PTPRR: variants seen among roughly 807,000 people sequenced by gnomAD.
The protein encoded by PTPRR is protein tyrosine phosphatase receptor type R, also known as receptor-type tyrosine-protein phosphatase R.
A neutral mutation model predicts 77.2 loss-of-function variants in PTPRR; 38 were observed. The ratio of observed to expected loss-of-function variants is 0.49; its 90% CI spans 0.38 to 0.65. The LOEUF (loss-of-function observed/expected upper bound fraction) is 0.65. PTPRR is among the 30% of genes least tolerant of loss of function. The probability of loss-of-function intolerance (pLI) is 0.00; values close to 1 mark genes in which losing one functional copy is unlikely to be tolerated. For synonymous variants in PTPRR, 299 were observed against 283.1 expected (o/e 1.06, Z -0.57); for missense variants, 744 against 799.2 (o/e 0.93, Z 0.83).
intron 2 of PTPRR, among the ~76,000 whole-genome samples, chr12:70,867,643 A>T (rs1163376084): frequency 4.6e-5 from 7 of 152,026 alleles, no homozygotes; most frequent in African/African-American, 1.7e-4. Context: ...TGCCATCCCC[A>T]TCAAGCTACC....
chr12:70,917,896 T>C (rs1176227145), intron 1 of PTPRR, among the ~76,000 whole-genome samples: 6 of 152,210 alleles, frequency 3.9e-5, no homozygotes, highest in African/African-American at 1.2e-4. Flanking sequence ...ATAAAGCAGT[T>C]GCTGATACCC....
chr12:70,643,814 A>C (rs769091162), intron 13 of PTPRR, among the ~76,000 whole-genome samples: 4 of 151,484 alleles, frequency 2.6e-5, no homozygotes, highest in Non-Finnish European at 5.9e-5. Context: ...TCACTGTGTC[A>C]TCCTGGCTGG....
At chr12:70,652,895 G>A (rs1009863820) in intron 13 of PTPRR, among the ~76,000 whole-genome samples, 1 of 152,212 alleles carries the variant, frequency 6.6e-6, no homozygotes, top group Non-Finnish European at 1.5e-5. Context: ...AGTGGGCAGG[G>A]GAGGTGGGAG....
chr12:70,868,454 C>T (rs1334960688), intron 2 of PTPRR, among the ~76,000 whole-genome samples: 2 of 152,052 alleles, frequency 1.3e-5, no homozygotes, highest in African/African-American at 4.8e-5. Flanking sequence ...CATCACTGGC[C>T]ATCAGAGAAA....
At chr12:70,790,770 A>G (rs773599288) in intron 2 of PTPRR, among the ~76,000 whole-genome samples, 1 of 152,132 alleles carries the variant, frequency 6.6e-6, no homozygotes, top group Non-Finnish European at 1.5e-5. Flanking sequence ...CCATCCCAGG[A>G]AGCGGAGGTT....
At chr12:70,765,255 T>C (rs910180234) in intron 2 of PTPRR, among the ~76,000 whole-genome samples, 22 of 152,148 alleles carry the variant, frequency 1.4e-4, no homozygotes, top group Non-Finnish European at 7.3e-5. Flanking sequence ...CCCTTTCCTA[T>C]TCAAAGAAAG....
chr12:70,773,471 T>C (rs192447708), intron 2 of PTPRR, among the ~76,000 whole-genome samples: 1 of 152,310 alleles, frequency 6.6e-6, no homozygotes, highest in African/African-American at 2.4e-5. Flanking sequence ...GTTCAACTGG[T>C]TCCCTGGGTG....
chr12:70,850,519 T>C (rs979121086), intron 2 of PTPRR, among the ~76,000 whole-genome samples: 3 of 152,210 alleles, frequency 2.0e-5, no homozygotes, highest in Admixed American at 6.5e-5. Context: ...CCGATTTCTA[T>C]ATCTAAATCA....
chr12:70,681,282 G>A (rs1244188981), intron 10 of PTPRR, among the ~76,000 whole-genome samples: 1 of 152,180 alleles, frequency 6.6e-6, no homozygotes, highest in Non-Finnish European at 1.5e-5. Flanking sequence ...GTTTCAAAAT[G>A]GCATCATATA....
chr12:70,772,816 G>A (rs1305367872), intron 2 of PTPRR, among the ~76,000 whole-genome samples: 1 of 151,856 alleles, frequency 6.6e-6, no homozygotes. Flanking sequence ...TATATAGAAA[G>A]CTATATCAAA....
chr12:70,809,918 A>G (rs1891780070), intron 2 of PTPRR, among the ~76,000 whole-genome samples: 1 of 152,156 alleles, frequency 6.6e-6, no homozygotes, highest in Non-Finnish European at 1.5e-5. Flanking sequence ...ATATTATCTA[A>G]TTTTGGACAA....
chr12:70,772,104 ATG>A (rs771223622), intron 2 of PTPRR, among the ~76,000 whole-genome samples: 1 of 152,294 alleles, frequency 6.6e-6, no homozygotes, highest in South Asian at 2.1e-4. Flanking sequence ...AGTTTACTGT[ATG>A]TATTTTCAAA....
intron 2 of PTPRR, among the ~76,000 whole-genome samples, chr12:70,837,704 T>A (rs550684428): frequency 6.6e-6 from 1 of 152,172 alleles, no homozygotes; most frequent in African/African-American, 2.4e-5. Flanking sequence ...CCTACTCCTT[T>A]TTGGGTTTTC....
chr12:70,698,390 G>T (rs1433674662), intron 7 of PTPRR, 41 bp from the exon 8 acceptor site: 1 of 1,537,656 alleles, frequency 6.5e-7, no homozygotes, highest in Non-Finnish European at 9.0e-7. Context: ...ATCTAATACT[G>T]CCACAAAGAA....
intron 4 of PTPRR, 159 bp from the exon 5 acceptor site, chr12:70,754,460 C>A: frequency 6.4e-7 from 1 of 1,562,864 alleles, no homozygotes; most frequent in South Asian, 1.2e-5. Flanking sequence ...TGATCTAAGA[C>A]AACAGACTGC....
chr12:70,673,044 AAAAAAG>A (rs71068719), intron 10 of PTPRR: 57,715 of 1,038,718 alleles, frequency 0.056, 1,324 homozygotes, highest in African/African-American at 0.2. Context: ...AAAAAAAAAA[AAAAAAG>A]AAAGAAAGAA....
chr12:70,799,220 A>G (rs933465485), intron 2 of PTPRR, among the ~76,000 whole-genome samples: 1 of 152,182 alleles, frequency 6.6e-6, no homozygotes, highest in Non-Finnish European at 1.5e-5. Flanking sequence ...GGATAAGTCT[A>G]TGTCTATGTG....
intron 2 of PTPRR, among the ~76,000 whole-genome samples, chr12:70,820,676 C>T (rs2137039848): frequency 6.6e-6 from 1 of 152,228 alleles, no homozygotes; most frequent in South Asian, 2.1e-4. Context: ...CTGCCTTTGG[C>T]CAGGCAAGAG....
At chr12:70,859,987 A>G (rs1182143730) in intron 2 of PTPRR, among the ~76,000 whole-genome samples, 2 of 151,856 alleles carry the variant, frequency 1.3e-5, no homozygotes, top group East Asian at 3.9e-4. Flanking sequence ...AAAGCTTTTT[A>G]TTATGTACCC....
Sources: gnomAD v4.1 joint callset for allele counts (sites outside exome capture counted in the v4.1 genomes callset) on GRCh38, gnomAD v4.1.1 for gene constraint, MANE v1.5 for transcripts, NCBI Gene and HGNC (gene_info 2026-07-23, HGNC 2026-07-21) for gene names.